GAS2: variants seen among roughly 807,000 people sequenced by gnomAD.
The protein encoded by GAS2 is growth arrest specific 2.
A neutral mutation model predicts 37.5 loss-of-function variants in GAS2; 20 were observed. That is an observed-to-expected ratio of 0.53 (90% CI 0.37 to 0.77). The LOEUF is 0.77. Ranked by LOEUF, GAS2 falls within the 30% of genes least tolerant of loss-of-function variation. The pLI is 0.00. For synonymous variants in GAS2, 144 were observed against 132.2 expected (o/e 1.09, Z -0.61); for missense variants, 336 against 373.4 (o/e 0.90, Z 0.82).
At chr11:22,713,852 A>T (rs907136994) in intron 3 of GAS2, among the ~76,000 whole-genome samples, 4 of 152,192 alleles carry the variant, frequency 2.6e-5, no homozygotes, top group Admixed American at 2.6e-4. Flanking sequence ...TGCTAAAAGG[A>T]GTCCTAAATC....
intron 7 of GAS2, among the ~76,000 whole-genome samples, chr11:22,763,614 CAT>C (rs1221325049): frequency 1.1e-4 from 8 of 69,754 alleles, no homozygotes; most frequent in African/African-American, 3.4e-4. Flanking sequence ...AAAAAATACA[CAT>C]ACACACACAC....
intron 6 of GAS2, among the ~76,000 whole-genome samples, chr11:22,750,311 T>C (rs1299356528): frequency 6.6e-6 from 1 of 152,086 alleles, no homozygotes; most frequent in East Asian, 1.9e-4. Context: ...CACTACAGGA[T>C]GCAGAAAAAG....
intron 4 of GAS2, among the ~76,000 whole-genome samples, chr11:22,729,385 A>T (rs1852366932): frequency 6.6e-6 from 1 of 151,884 alleles, no homozygotes; most frequent in Non-Finnish European, 1.5e-5. Flanking sequence ...GGGTGAGGGA[A>T]GGTGTGCAAG....
chr11:22,705,391 C>A (rs1006885685), intron 3 of GAS2, among the ~76,000 whole-genome samples: 2 of 152,090 alleles, frequency 1.3e-5, no homozygotes, highest in African/African-American at 4.8e-5. Context: ...GAGGCCTTCC[C>A]TGACCAACCT....
At chr11:22,749,574 A>G (rs1343346464) in intron 6 of GAS2, among the ~76,000 whole-genome samples, 1 of 152,048 alleles carries the variant, frequency 6.6e-6, no homozygotes, top group African/African-American at 2.4e-5. Context: ...TCCCCCTTTC[A>G]CAGATGAGAA....
intron 3 of GAS2, among the ~76,000 whole-genome samples, chr11:22,710,550 G>A (rs1330208127): frequency 6.6e-6 from 1 of 151,458 alleles, no homozygotes; most frequent in Non-Finnish European, 1.5e-5. Context: ...TTACTCCTAA[G>A]GAAGTTCCTC....
intron 7 of GAS2, among the ~76,000 whole-genome samples, chr11:22,765,534 C>A (rs1340980186): frequency 6.6e-6 from 1 of 152,154 alleles, no homozygotes; most frequent in East Asian, 1.9e-4. Context: ...AATCCCAGCA[C>A]TTTGGGAGGC....
At chr11:22,800,505 A>G (rs1473180115) in intron 7 of GAS2, among the ~76,000 whole-genome samples, 2 of 152,086 alleles carry the variant, frequency 1.3e-5, no homozygotes, top group African/African-American at 4.8e-5. Flanking sequence ...GCTCTGGAGT[A>G]GACGGTGGAC....
At chr11:22,755,814 G>T in intron 6 of GAS2, 32 bp from the exon 7 acceptor site, 1 of 1,521,880 alleles carries the variant, frequency 6.6e-7, no homozygotes, top group South Asian at 1.1e-5. Context: ...GCCTAATTAA[G>T]ACAAATGAAT....
At chr11:22,786,737 A>G (rs765020485) in intron 7 of GAS2, among the ~76,000 whole-genome samples, 8 of 152,172 alleles carry the variant, frequency 5.3e-5, no homozygotes, top group Non-Finnish European at 7.4e-5. Flanking sequence ...GCAAATGGGT[A>G]GGACATTGTC....
At chr11:22,789,303 T>TATATATATATATATATATACACACACAC (rs1350750428) in intron 7 of GAS2, among the ~76,000 whole-genome samples, 1 of 111,118 alleles carries the variant, frequency 9.0e-6, no homozygotes, top group African/African-American at 3.7e-5. Flanking sequence ...TATATATATA[T>TATATATATATATATATATACACACACAC]ACACACACAC....
intron 3 of GAS2, among the ~76,000 whole-genome samples, chr11:22,711,289 G>A (rs80117501): frequency 0.012 from 1,902 of 152,288 alleles, 42 homozygotes; most frequent in African/African-American, 0.044. Context: ...ACAAGTAGAA[G>A]CAGCAGCCAG....
intron 7 of GAS2, among the ~76,000 whole-genome samples, chr11:22,806,725 G>A (rs530348292): frequency 4.6e-5 from 7 of 152,160 alleles, no homozygotes; most frequent in African/African-American, 1.7e-4. Context: ...GTCTAACTGA[G>A]ACGTCAGCAA....
At position 22,759,090 on chromosome 11, in the gene GAS2, A is replaced by G. The variant is rs538736048; in HGVS notation, c.723+3137A>G. Among the ~76,000 whole-genome samples, 3 of 152,260 alleles carry G rather than the reference A, an allele frequency of 2.0e-5. No individual in the cohort carries two copies. In the South Asian group the frequency reaches 6.2e-4, roughly 32 times the overall value. ...TTTATGTGTCGACTTATGATTATGT[A>G]TGTATATGAACATATCTTCCCTATA... On this transcript the variant is annotated intron_variant, in intron 7 of 7. Coordinates refer to ENST00000454584, the MANE Select transcript of GAS2 (RefSeq NM_001143830.3).
chr11:22,732,373 G>A (rs1439163690), intron 4 of GAS2, among the ~76,000 whole-genome samples: 4 of 151,568 alleles, frequency 2.6e-5, no homozygotes, highest in African/African-American at 9.7e-5. Context: ...TTACTGATGA[G>A]ATTATGAATG....
intron 1 of GAS2, among the ~76,000 whole-genome samples, chr11:22,650,129 G>T (rs1362849414): frequency 6.6e-6 from 1 of 151,710 alleles, no homozygotes; most frequent in East Asian, 1.9e-4. Flanking sequence ...CTTTTTTCTC[G>T]TTGGTTTCAA....
At chr11:22,652,993 G>GTCTTTCTTTCTTTTTCTTTCTT (rs1554965875) in intron 1 of GAS2, among the ~76,000 whole-genome samples, 1 of 97,036 alleles carries the variant, frequency 1.0e-5, no homozygotes, top group African/African-American at 4.9e-5. Context: ...TTCTTTCTTT[G>GTCTTTCTTTCTTTTTCTTTCTT]TCTTTCTTTC....
intron 1 of GAS2, among the ~76,000 whole-genome samples, chr11:22,633,981 ATG>A (rs1266445735): frequency 6.6e-6 from 1 of 152,132 alleles, no homozygotes; most frequent in African/African-American, 2.4e-5. Context: ...AGCCACAGCT[ATG>A]TTTGCAGTGA....
At chr11:22,705,969 A>G (rs2134052543) in intron 3 of GAS2, among the ~76,000 whole-genome samples, 1 of 152,276 alleles carries the variant, frequency 6.6e-6, no homozygotes, top group South Asian at 2.1e-4. Flanking sequence ...TAAATTGCAC[A>G]CGTGAAAGCC....
Sources: allele counts gnomAD v4.1 joint callset (sites outside exome capture counted in the v4.1 genomes callset), GRCh38; gene constraint gnomAD v4.1.1; transcripts MANE v1.5; gene names NCBI Gene and HGNC (gene_info 2026-07-23, HGNC 2026-07-21).